The following TMEM131 variants were observed in gnomAD, a reference collection of about 807,000 sequenced individuals.
The protein encoded by TMEM131 is 2610524E03Rik.
TMEM131 carries 66 observed loss-of-function variants against 211.6 expected under a neutral mutation model. The observed-to-expected ratio is 0.31, with a 90% CI of 0.26 to 0.38. The LOEUF is 0.38. Among genes scored for constraint, TMEM131 ranks in the 10% least tolerant of loss-of-function variants. The pLI, the probability that TMEM131 is intolerant of heterozygous loss-of-function variation, is 1.00. For missense variants in TMEM131, 2,036 were observed against 2,299.3 expected, an observed-to-expected ratio of 0.89 and a Z score of 2.34; for synonymous variants, 844 against 841.3, an observed-to-expected ratio of 1.00 and a Z score of -0.06.
intron 22 of TMEM131, among the ~76,000 whole-genome samples, 176 bp from the exon 23 acceptor site, chr2:97,802,966 T>C (rs763449497): frequency 1.3e-5 from 2 of 152,184 alleles, no homozygotes; most frequent in Non-Finnish European, 2.9e-5. Flanking sequence ...TCTATATTGG[T>C]GCAAAGAGTT....
chr2:97,950,824 T>C (rs1425686441), intron 1 of TMEM131, among the ~76,000 whole-genome samples: 1 of 152,162 alleles, frequency 6.6e-6, no homozygotes, highest in Non-Finnish European at 1.5e-5. Flanking sequence ...AGCCATCAAC[T>C]TGTAACCAAA....
At chr2:97,974,499 G>C (rs1231652314) in intron 1 of TMEM131, among the ~76,000 whole-genome samples, 1 of 151,450 alleles carries the variant, frequency 6.6e-6, no homozygotes, top group Non-Finnish European at 1.5e-5. Flanking sequence ...GATCCAAGAA[G>C]CTCAACAAAC....
chr2:97,934,750 C>T (rs1398623283), intron 1 of TMEM131, among the ~76,000 whole-genome samples: 1 of 152,166 alleles, frequency 6.6e-6, no homozygotes, highest in East Asian at 1.9e-4. Context: ...AAAAGCAATT[C>T]ATTGGAAGAA....
Position 97,977,793 on chromosome 2 carries a change from T to G in TMEM131, c.187+17683A>C, listed in dbSNP as rs184422023. Among the ~76,000 whole-genome samples, 818 of 152,194 alleles carry G rather than the reference T, an allele frequency of 5.4e-3. 5 individuals carry two copies. The highest frequency in any genetic ancestry group is 0.018 in the African/African-American group (763 of 41,526). Reference sequence around the variant, plus strand: ...GGGTGGGGTGGCTGTGGCAATTTCTTGAAACAGCAATGGGCCAGGCGTGGT... The same window carrying G: ...GGGTGGGGTGGCTGTGGCAATTTCTGGAAACAGCAATGGGCCAGGCGTGGT... On this transcript the variant is annotated intron_variant, in intron 1 of 40. Transcript: ENST00000186436.
At chr2:97,981,631 C>A (rs764380151) in intron 1 of TMEM131, among the ~76,000 whole-genome samples, 5 of 152,106 alleles carry the variant, frequency 3.3e-5, no homozygotes, top group African/African-American at 4.8e-5. Flanking sequence ...GTATATAATG[C>A]ATAGTTTTCA....
intron 2 of TMEM131, among the ~76,000 whole-genome samples, chr2:97,926,981 A>G (rs1677017234): frequency 6.6e-6 from 1 of 152,230 alleles, no homozygotes; most frequent in Non-Finnish European, 1.5e-5. Flanking sequence ...TAGGTTCTCC[A>G]AGTTCTCACC....
rs1676444063 is a variant in TMEM131, at chr2:97,914,902, T to TTA, written c.250-6206_250-6205dup. 8.5e-5 allele frequency among the ~76,000 whole-genome samples: 13 copies of TTA among 152,368 alleles called. No individual in the cohort carries two copies. In the South Asian group the frequency reaches 2.7e-3, roughly 32 times the overall value. ...TTTGGGAGAATCCCCAAGAGAGCAA[T>TTA]TAGTAGGTCAATTATAGTAACCACA... On this transcript the variant is annotated intron_variant, in intron 2 of 40. Coordinates refer to ENST00000186436, the MANE Select transcript of TMEM131 (RefSeq NM_015348.2).
At chr2:97,924,383 T>C (rs551339021) in intron 2 of TMEM131, among the ~76,000 whole-genome samples, 1 of 152,212 alleles carries the variant, frequency 6.6e-6, no homozygotes, top group African/African-American at 2.4e-5. Flanking sequence ...ACCCTGTCTC[T>C]ATGAACTGTG....
chr2:97,858,226 G>A (rs766784855), intron 5 of TMEM131, among the ~76,000 whole-genome samples: 18 of 152,312 alleles, frequency 1.2e-4, no homozygotes, highest in Non-Finnish European at 2.1e-4. Context: ...CTTCAAAGGA[G>A]TCAGTGAAAA....
chr2:97,844,051 T>A (rs376046694), intron 6 of TMEM131, 94 bp downstream of exon 6: 1 of 382,014 alleles, frequency 2.6e-6, no homozygotes, highest in Non-Finnish European at 4.8e-6. Context: ...TTTTCTATTA[T>A]CCTTTGAGTT....
At chr2:97,876,076 C>T (rs1204914151) in intron 4 of TMEM131, among the ~76,000 whole-genome samples, 1 of 152,232 alleles carries the variant, frequency 6.6e-6, no homozygotes, top group Non-Finnish European at 1.5e-5. Flanking sequence ...ATACTATAAA[C>T]ACCTCTATGC....
intron 25 of TMEM131, among the ~76,000 whole-genome samples, chr2:97,801,601 T>C (rs1681038833): frequency 6.6e-6 from 1 of 152,204 alleles, no homozygotes. Flanking sequence ...GTATTAATAT[T>C]TACCTCATCT....
At chr2:97,873,296 G>A (rs1372300705) in intron 4 of TMEM131, among the ~76,000 whole-genome samples, 2 of 152,256 alleles carry the variant, frequency 1.3e-5, no homozygotes, top group African/African-American at 4.8e-5. Flanking sequence ...AGAGCACCTG[G>A]GGAAAGGGGC....
rs1681948743 is a variant in TMEM131, at chr2:97,818,480, G to GA, written c.1183+132_1183+133insT. ...GTTTACAGCGGGGGGGGGCGGGGGG[G>GA]GATCAACCTAAGCAGTAATATAAAT... On this transcript the variant is annotated intron_variant, in intron 12 of 40. Coordinates refer to ENST00000186436, the MANE Select transcript of TMEM131 (RefSeq NM_015348.2). 4.3e-5 allele frequency: 11 copies of GA among 255,688 alleles called. 1 individual carries two copies. The highest frequency in any genetic ancestry group is 1.3e-3 in the Middle Eastern group (1 of 792). 15.8% of individuals were successfully genotyped at this position (255,688 alleles called of 1,614,324 possible).
In TMEM131 at chr2:97,757,076, T is replaced by C. The variant is rs753112971; in HGVS notation, c.*23A>G. On this transcript the variant is annotated 3_prime_UTR_variant, in exon 41 of 41. Transcript: ENST00000186436. ...TCATGATCTAGACGAGGGCCCACTA[T>C]GTTTGTTTGTTTTTTGCTTAATTTA... The C allele has an allele frequency of 7.5e-5, 117 of 1,561,252 alleles. No homozygotes were observed. The highest frequency in any genetic ancestry group is 1.1e-4 in the Admixed American group (6 of 54,636).
At chr2:97,922,669 T>C (rs1357250730) in intron 2 of TMEM131, among the ~76,000 whole-genome samples, 1 of 152,126 alleles carries the variant, frequency 6.6e-6, no homozygotes, top group Non-Finnish European at 1.5e-5. Context: ...CCCTGTAGTA[T>C]TTAGAGATAT....
chr2:97,838,426 C>CTTTTTTTTT (rs753635047), intron 7 of TMEM131, among the ~76,000 whole-genome samples: 2 of 89,084 alleles, frequency 2.2e-5, no homozygotes, highest in African/African-American at 8.5e-5. Context: ...TAAGCTTAAA[C>CTTTTTTTTT]TTTTTTTTTT....
rs1389502441 is a variant in TMEM131, at chr2:97,995,720, G to A, written c.-58C>T. ...CCGGCGCGGCCCTTCTCGGCGAGGC[G>A]GCGGCGGCGCGGAAGCCGTGGTCCG... On this transcript the variant is annotated 5_prime_UTR_variant, in exon 1 of 41. Coordinates refer to ENST00000186436, the MANE Select transcript of TMEM131 (RefSeq NM_015348.2). 2 of 1,147,192 alleles carry A rather than the reference G, an allele frequency of 1.7e-6. No individual in the cohort carries two copies. The highest frequency in any genetic ancestry group is 8.1e-5 in the East Asian group (2 of 24,770). The allele number at this position is 1,147,192 out of a possible 1,614,324, so 71.1% of individuals were successfully genotyped here.
intron 1 of TMEM131, among the ~76,000 whole-genome samples, chr2:97,936,797 A>G (rs1677467107): frequency 6.6e-6 from 1 of 152,192 alleles, no homozygotes; most frequent in Admixed American, 6.6e-5. Flanking sequence ...GTATAAAGGG[A>G]CAAAAAGTAT....
Sources: gnomAD v4.1 joint callset for allele counts (sites outside exome capture counted in the v4.1 genomes callset) on GRCh38, gnomAD v4.1.1 for gene constraint, MANE v1.5 for transcripts, NCBI Gene and HGNC (gene_info 2026-07-23, HGNC 2026-07-21) for gene names.